The following SNX29 variants were observed in gnomAD, a reference collection of about 807,000 sequenced individuals.
The protein encoded by SNX29 is sorting nexin 29, also known as sorting nexin-29.
Under a neutral mutation model 102.1 loss-of-function variants are expected in SNX29, and 78 were observed. The observed-to-expected ratio is 0.76, with a 90% confidence interval of 0.64 to 0.92. The LOEUF is 0.92. Ranked by LOEUF, SNX29 falls within the 40% of genes least tolerant of loss-of-function variation. SNX29 has a pLI of 0.00. For missense variants in SNX29, 1,280 were observed against 1,061.7 expected (o/e 1.21, Z -2.86); for synonymous variants, 580 against 414.5 (o/e 1.40, Z -4.85).
Position 12,570,106 on chromosome 16 carries a change from A to C in SNX29, c.*1477A>C. On this transcript the variant is annotated 3_prime_UTR_variant, in exon 21 of 21. Transcript: ENST00000566228. Reference sequence around the variant, plus strand: ...TACTGTGCCTTCCCCTCGTAGCAAAAAGGAAGATTGTTCATGGCCTTTAAG... The same window carrying C: ...TACTGTGCCTTCCCCTCGTAGCAAACAGGAAGATTGTTCATGGCCTTTAAG... 1.0e-6 allele frequency: 1 copy of C among 968,498 alleles called. No homozygotes were observed. Among genetic ancestry groups the C allele is most frequent in the Non-Finnish European group, 1.3e-6 (1 of 798,674 alleles). 60.0% of individuals were successfully genotyped at this position (968,498 alleles called of 1,614,324 possible).
chr16:12,543,747 G>C (rs553693025), intron 20 of SNX29, among the ~76,000 whole-genome samples: 1 of 152,312 alleles, frequency 6.6e-6, no homozygotes, highest in South Asian at 2.1e-4. Context: ...GGAGTTGACT[G>C]GGGGAGATTT....
At chr16:12,062,176 T>C (rs77095878) in intron 9 of SNX29, among the ~76,000 whole-genome samples, 125 of 152,008 alleles carry the variant, frequency 8.2e-4, no homozygotes, top group African/African-American at 2.8e-3. Context: ...GTCAGGAGTT[T>C]GAGACCAGCC....
At chr16:12,470,834 G>T (rs1315525837) in intron 18 of SNX29, among the ~76,000 whole-genome samples, 1 of 152,202 alleles carries the variant, frequency 6.6e-6, no homozygotes. Context: ...TGATGAAGGT[G>T]ATAAGGGTTA....
chr16:12,102,913 A>G (rs2053082238), intron 11 of SNX29, among the ~76,000 whole-genome samples: 1 of 152,198 alleles, frequency 6.6e-6, no homozygotes, highest in Non-Finnish European at 1.5e-5. Flanking sequence ...CCTATACACT[A>G]ATAATAGAGA....
chr16:12,338,097 A>G lies in SNX29; in HGVS notation c.1783-18066A>G, dbSNP rs562048047. Among the ~76,000 whole-genome samples, 29 of 152,310 alleles carry G rather than the reference A, an allele frequency of 1.9e-4. No homozygotes were observed. In the East Asian group the frequency reaches 5.2e-3, roughly 27 times the overall value. Reference sequence around the variant, plus strand: ...TTTGGCTTATTTTCTTAGCATAAGTAGATTTCTACCTAATGGGTCATCAGT... The same window carrying G: ...TTTGGCTTATTTTCTTAGCATAAGTGGATTTCTACCTAATGGGTCATCAGT... On this transcript the variant is annotated intron_variant, in intron 15 of 20. Coordinates refer to ENST00000566228, the MANE Select transcript of SNX29 (RefSeq NM_032167.5).
At chr16:12,299,958 C>T (rs1440265931) in intron 15 of SNX29, among the ~76,000 whole-genome samples, 1 of 152,066 alleles carries the variant, frequency 6.6e-6, no homozygotes, top group African/African-American at 2.4e-5. Flanking sequence ...GCAACCTCCA[C>T]CTCCCTGGTT....
chr16:12,506,498 A>G (rs953717178), intron 19 of SNX29, among the ~76,000 whole-genome samples: 9 of 152,226 alleles, frequency 5.9e-5, no homozygotes, highest in African/African-American at 1.9e-4. Flanking sequence ...AAAGTTATCT[A>G]TTATAAATTG....
chr16:12,147,945 G>GGCA (rs1032525983), intron 13 of SNX29, among the ~76,000 whole-genome samples: 2 of 152,100 alleles, frequency 1.3e-5, no homozygotes, highest in African/African-American at 2.4e-5. Context: ...AGATATTCTT[G>GGCA]GCAGCAGCAG....
intron 20 of SNX29, among the ~76,000 whole-genome samples, chr16:12,562,991 A>T (rs74207075): frequency 1.3e-5 from 2 of 150,620 alleles, no homozygotes; most frequent in Admixed American, 1.3e-4. Flanking sequence ...TGCGTAAGAA[A>T]AACTGCTTCA....
intron 20 of SNX29, among the ~76,000 whole-genome samples, chr16:12,528,582 A>T (rs1567658686): frequency 6.6e-6 from 1 of 151,824 alleles, no homozygotes; most frequent in African/African-American, 2.4e-5. Context: ...TGTCCACTGA[A>T]CCCCCATCTC....
rs547847791 is a variant in SNX29 at position 12,180,585 on chromosome 16, G to A, written c.1596-19016G>A. Among the ~76,000 whole-genome samples, 20 of 152,014 alleles carry A rather than the reference G, an allele frequency of 1.3e-4. No homozygotes were observed. In the East Asian group the frequency reaches 3.7e-3, roughly 28 times the overall value. On this transcript the variant is annotated intron_variant, in intron 13 of 20. Transcript: ENST00000566228. ...TGCAAGCTACGCCTCCCGGGTTCAC[G>A]CCATTCTCCTGCCTCAGCCTCCCGA...
intron 16 of SNX29, among the ~76,000 whole-genome samples, chr16:12,372,152 A>G (rs977155360): frequency 2.0e-5 from 3 of 152,248 alleles, no homozygotes; most frequent in African/African-American, 4.8e-5. Context: ...ACACACACAC[A>G]TGCCTAACGC....
intron 20 of SNX29, among the ~76,000 whole-genome samples, chr16:12,566,989 G>A (rs868210668): frequency 1.7e-4 from 26 of 152,350 alleles, no homozygotes; most frequent in Middle Eastern, 3.4e-3. Context: ...CCATGTCCCT[G>A]GAAAGGTGCA....
At chr16:12,107,704 C>T (rs191229690) in intron 11 of SNX29, among the ~76,000 whole-genome samples, 23 of 152,158 alleles carry the variant, frequency 1.5e-4, no homozygotes, top group East Asian at 7.7e-4. Flanking sequence ...ATCGAGGTGA[C>T]GAGTGGGTGG....
At chr16:12,450,928 C>T (rs186578222) in intron 18 of SNX29, among the ~76,000 whole-genome samples, 53 of 152,224 alleles carry the variant, frequency 3.5e-4, no homozygotes, top group Admixed American at 2.3e-3. Flanking sequence ...TACAGCATCC[C>T]CCTGCTTGCC....
At chr16:12,265,125 A>C (rs111367471) in intron 14 of SNX29, among the ~76,000 whole-genome samples, 2,461 of 152,300 alleles carry the variant, frequency 0.016, 67 homozygotes, top group African/African-American at 0.057. Flanking sequence ...TTGGGTCTGT[A>C]GAGTGCAGTT....
intron 10 of SNX29, among the ~76,000 whole-genome samples, chr16:12,072,075 A>G (rs1342506892): frequency 1.3e-5 from 2 of 152,312 alleles, no homozygotes; most frequent in Non-Finnish European, 2.9e-5. Flanking sequence ...GGGCTGAGAC[A>G]ATGGGGTTTT....
chr16:12,347,375 C>T (rs541900381), intron 15 of SNX29, among the ~76,000 whole-genome samples: 4 of 151,952 alleles, frequency 2.6e-5, no homozygotes, highest in Admixed American at 6.6e-5. Flanking sequence ...TGGGGCCAGC[C>T]GTCCCCACAG....
chr16:12,387,649 G>C (rs1002832771), intron 16 of SNX29, among the ~76,000 whole-genome samples: 40 of 152,120 alleles, frequency 2.6e-4, no homozygotes, highest in Admixed American at 2.0e-3. Context: ...GTGAGTACTG[G>C]CTCTGTTTTA....
Sources: gnomAD v4.1 joint callset for allele counts (sites outside exome capture counted in the v4.1 genomes callset) on GRCh38, gnomAD v4.1.1 for gene constraint, MANE v1.5 for transcripts, NCBI Gene and HGNC (gene_info 2026-07-23, HGNC 2026-07-21) for gene names.